The following WDR49 variants were observed in gnomAD, a reference collection of about 807,000 sequenced individuals.
WDR49 encodes the protein WD repeat domain 49, also known as cilia- and flagella-associated protein 337.
WDR49 carries 107 observed loss-of-function variants against 119.5 expected under a neutral mutation model. That is an observed-to-expected ratio of 0.90 (90% CI 0.77 to 1.05). The LOEUF (loss-of-function observed/expected upper bound fraction) is 1.05, where lower values mean the gene tolerates loss of function less well. Among genes scored for constraint, WDR49 ranks in the 50% least tolerant of loss-of-function variants. WDR49 has a pLI of 0.00. For synonymous variants in WDR49, 425 were observed against 418.8 expected (o/e 1.01, Z -0.18); for missense variants, 1,240 against 1,220.5 (o/e 1.02, Z -0.24).
At chr3:167,606,484 A>G (rs1716071310) in intron 5 of WDR49, among the ~76,000 whole-genome samples, 1 of 152,196 alleles carries the variant, frequency 6.6e-6, no homozygotes, top group South Asian at 2.1e-4. Context: ...GTTAGTCAAT[A>G]CTCATTTTAG....
intron 3 of WDR49, among the ~76,000 whole-genome samples, chr3:167,622,292 T>G (rs1383182912): frequency 6.6e-6 from 1 of 151,912 alleles, no homozygotes; most frequent in Non-Finnish European, 1.5e-5. Context: ...ATCCCACCAC[T>G]TTGAGAGGCC....
intron 3 of WDR49, among the ~76,000 whole-genome samples, chr3:167,625,804 GC>G (rs1717104718): frequency 6.6e-6 from 1 of 151,990 alleles, no homozygotes; most frequent in East Asian, 1.9e-4. Context: ...TCAGGGAATG[GC>G]TGGACATATT....
intron 16 of WDR49, among the ~76,000 whole-genome samples, chr3:167,522,020 T>TA (rs2108231919): frequency 8.6e-6 from 1 of 116,562 alleles, no homozygotes; most frequent in East Asian, 3.0e-4. Flanking sequence ...ATAGATAGAT[T>TA]GTTTTTGAAG....
At chr3:167,559,547 A>T (rs1055726660) in intron 9 of WDR49, among the ~76,000 whole-genome samples, 48 of 152,376 alleles carry the variant, frequency 3.2e-4, no homozygotes, top group African/African-American at 1.1e-3. Flanking sequence ...TAAGTTTAGA[A>T]TGGATAAGAT....
intron 2 of WDR49, among the ~76,000 whole-genome samples, chr3:167,632,763 T>C (rs1717429622): frequency 6.6e-6 from 1 of 152,066 alleles, no homozygotes. Context: ...CCTCTGGAAC[T>C]AGAATTAATT....
chr3:167,593,644 C>G (rs1715252860), intron 7 of WDR49, among the ~76,000 whole-genome samples: 1 of 151,872 alleles, frequency 6.6e-6, no homozygotes, highest in Non-Finnish European at 1.5e-5. Context: ...TCATGTTTTC[C>G]TGGATGGTGT....
intron 16 of WDR49, among the ~76,000 whole-genome samples, chr3:167,518,565 AC>A (rs1378998530): frequency 2.0e-5 from 3 of 151,088 alleles, no homozygotes; most frequent in Non-Finnish European, 4.4e-5. Context: ...TCCTTTGCCC[AC>A]TTTTTGATGG....
At chr3:167,531,980 TAGA>T (rs1455740425) in intron 12 of WDR49, among the ~76,000 whole-genome samples, 2 of 152,292 alleles carry the variant, frequency 1.3e-5, no homozygotes, top group East Asian at 3.9e-4. Context: ...AAGCCCAGTG[TAGA>T]AGAAGAGGCA....
At chr3:167,519,088 C>A (rs2108228823) in intron 16 of WDR49, among the ~76,000 whole-genome samples, 1 of 152,144 alleles carries the variant, frequency 6.6e-6, no homozygotes, top group South Asian at 2.1e-4. Flanking sequence ...CCATCTCATG[C>A]CAGTCACAAT....
intron 10 of WDR49, among the ~76,000 whole-genome samples, chr3:167,551,341 G>T (rs1712556417): frequency 6.6e-6 from 1 of 151,578 alleles, no homozygotes; most frequent in Non-Finnish European, 1.5e-5. Context: ...GAAGGAAAGG[G>T]GAAAAAAAGA....
At chr3:167,640,956 C>G (rs1307190536) in intron 2 of WDR49, among the ~76,000 whole-genome samples, 2 of 151,762 alleles carry the variant, frequency 1.3e-5, no homozygotes, top group Non-Finnish European at 2.9e-5. Flanking sequence ...ACCCATACAC[C>G]TACTTCCCAA....
At chr3:167,482,065 C>T (rs1053559587) in intron 18 of WDR49, among the ~76,000 whole-genome samples, 8 of 152,134 alleles carry the variant, frequency 5.3e-5, no homozygotes, top group African/African-American at 1.4e-4. Context: ...ACTTAGAATA[C>T]TCAAAACCAA....
intron 18 of WDR49, among the ~76,000 whole-genome samples, chr3:167,496,186 A>C (rs184900725): frequency 6.6e-6 from 1 of 152,228 alleles, no homozygotes; most frequent in East Asian, 1.9e-4. Context: ...TGAACATTGA[A>C]GAGGTAATAT....
Position 167,529,111 on chromosome 3 carries a change from T to G in WDR49, c.2347A>C (p.Met783Leu). ...TCTCCTGTGGTAAGGTATCGATTCATCTTATCAGTAGACATAATAATCGAT... is the reference window on the plus strand; with the variant it reads ...TCTCCTGTGGTAAGGTATCGATTCAGCTTATCAGTAGACATAATAATCGAT... ...VGSIIMSTDK[M>L]NRYLTTGDLD... The change falls in exon 14 of 19, where the codon ATG becomes CTG. Residue 783 changes from methionine to leucine, a missense_variant. Coordinates refer to ENST00000682715, the MANE Select transcript of WDR49 (RefSeq NM_001366157.1). 1 of 1,609,924 alleles carries G rather than the reference T, an allele frequency of 6.2e-7. No homozygotes were observed. Among genetic ancestry groups the G allele is most frequent in the Non-Finnish European group, 8.5e-7 (1 of 1,178,700 alleles).
intron 7 of WDR49, among the ~76,000 whole-genome samples, chr3:167,601,279 A>G (rs2108305098): frequency 6.6e-6 from 1 of 152,288 alleles, no homozygotes; most frequent in East Asian, 1.9e-4. Flanking sequence ...TATGGTGGTT[A>G]ATTTTGGTAG....
At position 167,623,933 on chromosome 3, in the gene WDR49, A is replaced by G. The variant is rs559824427; in HGVS notation, c.607-2290T>C. ...TGAACAGTCTGAAAATGAAATTACC[A>G]AAGGCGGTGTTAAGAGAATGTAAAA... On this transcript the variant is annotated intron_variant, in intron 3 of 18. Coordinates refer to ENST00000682715, the MANE Select transcript of WDR49 (RefSeq NM_001366157.1). Among the ~76,000 whole-genome samples, 9 of 152,096 alleles carry G rather than the reference A, an allele frequency of 5.9e-5. No homozygotes were observed. In the South Asian group the frequency reaches 1.9e-3, roughly 32 times the overall value.
chr3:167,555,076 G>A (rs143458062), intron 9 of WDR49, among the ~76,000 whole-genome samples: 274 of 152,184 alleles, frequency 1.8e-3, no homozygotes, highest in Non-Finnish European at 3.4e-3. Flanking sequence ...GCCCTAAATA[G>A]CTTCAGGGTG....
At chr3:167,590,206 A>T (rs962544934) in intron 7 of WDR49, among the ~76,000 whole-genome samples, 1 of 152,140 alleles carries the variant, frequency 6.6e-6, no homozygotes, top group Non-Finnish European at 1.5e-5. Context: ...TATCAAATTG[A>T]TTGATTTGCA....
At chr3:167,515,642 A>C (rs1164381440) in intron 16 of WDR49, among the ~76,000 whole-genome samples, 5 of 152,214 alleles carry the variant, frequency 3.3e-5, no homozygotes, top group African/African-American at 1.2e-4. Context: ...GGCCAGGGCA[A>C]TCAGGCAAGA....
Sources: gnomAD v4.1 joint callset for allele counts (sites outside exome capture counted in the v4.1 genomes callset) on GRCh38, gnomAD v4.1.1 for gene constraint, MANE v1.5 for transcripts, NCBI Gene and HGNC (gene_info 2026-07-23, HGNC 2026-07-21) for gene names.